Variants in NXPH1 observed in about 807,000 individuals in gnomAD.
The protein encoded by NXPH1 is neurexophilin 1.
NXPH1 carries 5 observed loss-of-function variants against 23.7 expected under a neutral mutation model. The ratio of observed to expected loss-of-function variants is 0.21; its 90% CI spans 0.11 to 0.44. NXPH1 has a LOEUF of 0.44. Among genes scored for constraint, NXPH1 ranks in the 20% least tolerant of loss-of-function variants. The pLI is 0.99. For synonymous variants in NXPH1, 144 were observed against 122.2 expected (o/e 1.18, Z -1.18); for missense variants, 324 against 321.6 (o/e 1.01, Z -0.06).
intron 2 of NXPH1, among the ~76,000 whole-genome samples, chr7:8,629,031 G>C (rs1412560585): frequency 1.3e-5 from 2 of 151,014 alleles, no homozygotes; most frequent in African/African-American, 4.9e-5. Flanking sequence ...GCTGTTTTTG[G>C]AAAGAAGGAG....
intron 2 of NXPH1, among the ~76,000 whole-genome samples, chr7:8,701,015 A>T (rs184757383): frequency 1.7e-3 from 260 of 152,174 alleles, no homozygotes; most frequent in African/African-American, 6.0e-3. Flanking sequence ...ACACAGCCAC[A>T]CTTGGAAAGT....
intron 2 of NXPH1, among the ~76,000 whole-genome samples, chr7:8,603,879 T>A (rs1281651191): frequency 6.6e-6 from 1 of 152,156 alleles, no homozygotes; most frequent in Non-Finnish European, 1.5e-5. Context: ...CTTATTTACT[T>A]TCTCAAAAAC....
At chr7:8,733,044 C>G (rs184500018) in intron 2 of NXPH1, among the ~76,000 whole-genome samples, 2 of 151,992 alleles carry the variant, frequency 1.3e-5, no homozygotes, top group Admixed American at 1.3e-4. Context: ...TACTACCTGA[C>G]AGGCCCCCTG....
chr7:8,466,211 GT>G (rs1211186077), intron 2 of NXPH1, among the ~76,000 whole-genome samples: 1 of 152,212 alleles, frequency 6.6e-6, no homozygotes, highest in African/African-American at 2.4e-5. Flanking sequence ...TTATCAGGAA[GT>G]TTGTTGAATG....
intron 2 of NXPH1, among the ~76,000 whole-genome samples, chr7:8,657,221 C>A (rs991687417): frequency 2.6e-5 from 4 of 152,130 alleles, no homozygotes; most frequent in African/African-American, 9.7e-5. Context: ...GAGCAAAAAA[C>A]CAGCACCATA....
At chr7:8,735,699 T>G (rs554307934) in intron 2 of NXPH1, among the ~76,000 whole-genome samples, 2 of 152,186 alleles carry the variant, frequency 1.3e-5, no homozygotes, top group Non-Finnish European at 2.9e-5. Flanking sequence ...TTGGAATCAT[T>G]TCAGAAGGAA....
intron 2 of NXPH1, among the ~76,000 whole-genome samples, chr7:8,515,082 A>T (rs1397340202): frequency 6.6e-6 from 1 of 152,122 alleles, no homozygotes; most frequent in Non-Finnish European, 1.5e-5. Flanking sequence ...CATGCAAGAG[A>T]TAGTGAGACT....
chr7:8,455,280 A>C (rs1210631783), intron 2 of NXPH1, among the ~76,000 whole-genome samples: 2 of 152,206 alleles, frequency 1.3e-5, no homozygotes, highest in Non-Finnish European at 2.9e-5. Context: ...GGCTTAAATT[A>C]AAGAGCAACT....
rs184350074 is a variant in NXPH1, at chr7:8,619,714, G to A, written c.55-131294G>A. 7.9e-4 allele frequency among the ~76,000 whole-genome samples: 120 copies of A among 152,254 alleles called. 1 individual carries two copies. The highest frequency in any genetic ancestry group is 1.6e-3 in the Admixed American group (24 of 15,296). Reference sequence around the variant, plus strand: ...CAGCGTATTTTTTAAGTGGGAAACTGAGTCCCAGAGAAAAGGAATAATTCT... The same window carrying A: ...CAGCGTATTTTTTAAGTGGGAAACTAAGTCCCAGAGAAAAGGAATAATTCT... On this transcript the variant is annotated intron_variant, in intron 2 of 2. Transcript: ENST00000405863.
intron 2 of NXPH1, among the ~76,000 whole-genome samples, chr7:8,734,939 C>T (rs1482584753): frequency 6.6e-6 from 1 of 152,104 alleles, no homozygotes; most frequent in Non-Finnish European, 1.5e-5. Context: ...TGATTTGGCT[C>T]TCTGTCTGTT....
intron 2 of NXPH1, among the ~76,000 whole-genome samples, chr7:8,596,231 T>C (rs1335719673): frequency 6.6e-6 from 1 of 152,096 alleles, no homozygotes; most frequent in East Asian, 1.9e-4. Flanking sequence ...TGTAAGCTCA[T>C]GAGCTAATTC....
chr7:8,715,538 C>T (rs750418491), intron 2 of NXPH1, among the ~76,000 whole-genome samples: 3 of 152,078 alleles, frequency 2.0e-5, no homozygotes, highest in Non-Finnish European at 4.4e-5. Context: ...ACTCTTGGCT[C>T]TTGAATTTTT....
chr7:8,710,907 C>T (rs1779784211), intron 2 of NXPH1, among the ~76,000 whole-genome samples: 1 of 114,902 alleles, frequency 8.7e-6, no homozygotes, highest in Non-Finnish European at 1.6e-5. Flanking sequence ...CATGATCCAC[C>T]CGCCTCGGCC....
chr7:8,444,092 T>C (rs775156553), intron 2 of NXPH1, among the ~76,000 whole-genome samples: 1 of 152,210 alleles, frequency 6.6e-6, no homozygotes, highest in African/African-American at 2.4e-5. Context: ...CTAGGGGTTG[T>C]CTATGTCAAA....
chr7:8,636,175 ACT>A (rs747139511), intron 2 of NXPH1, among the ~76,000 whole-genome samples: 6 of 151,928 alleles, frequency 3.9e-5, no homozygotes, highest in Non-Finnish European at 8.8e-5. Flanking sequence ...TACTCAGGAG[ACT>A]CTTTCACTCA....
intron 2 of NXPH1, among the ~76,000 whole-genome samples, chr7:8,468,554 C>T (rs1816820898): frequency 6.6e-6 from 1 of 152,104 alleles, no homozygotes; most frequent in East Asian, 1.9e-4. Flanking sequence ...CCATGTCCTG[C>T]TATCTTATTT....
intron 2 of NXPH1, among the ~76,000 whole-genome samples, chr7:8,622,799 C>T (rs538137884): frequency 6.6e-6 from 1 of 152,140 alleles, no homozygotes; most frequent in Non-Finnish European, 1.5e-5. Flanking sequence ...AAAACCTATA[C>T]AGTACAAGTG....
At chr7:8,461,808 G>A (rs1333829717) in intron 2 of NXPH1, among the ~76,000 whole-genome samples, 4 of 132,366 alleles carry the variant, frequency 3.0e-5, no homozygotes, top group Admixed American at 7.8e-5. Flanking sequence ...CCGCAGTCCG[G>A]CCTGGGCGAC....
At chr7:8,659,002 TA>T (rs960108610) in intron 2 of NXPH1, among the ~76,000 whole-genome samples, 1 of 20,042 alleles carries the variant, frequency 5.0e-5, no homozygotes, top group African/African-American at 1.0e-4. Context: ...TATATATATA[TA>T]TATTTTTTTT....
Sources: gnomAD v4.1 joint callset for allele counts (sites outside exome capture counted in the v4.1 genomes callset) on GRCh38, gnomAD v4.1.1 for gene constraint, MANE v1.5 for transcripts, NCBI Gene and HGNC (gene_info 2026-07-23, HGNC 2026-07-21) for gene names.